Variants in CMC2 observed in about 807,000 individuals in gnomAD.
CMC2 encodes the protein COX assembly mitochondrial protein 2 homolog.
In CMC2, 5 loss-of-function variants were observed where a neutral mutation model predicts 7.5. That is an observed-to-expected ratio of 0.66 (90% CI 0.35 to 1.40). The LOEUF is 1.40. CMC2 is among the 40% of genes most tolerant of loss of function. The pLI is 0.04. For synonymous variants in CMC2, 37 were observed against 31.4 expected (o/e 1.18, Z -0.60); for missense variants, 115 against 92.3 (o/e 1.25, Z -1.01).
chr16:80,997,475 C>T lies in CMC2; in HGVS notation c.-35-46G>A, dbSNP rs374726391. ...TGAATATGCATAAACACATTTGTTA[C>T]GCCACCTAAAAGTATCTTCATAAGA... On this transcript the variant is annotated intron_variant, in intron 1 of 3. Coordinates refer to ENST00000219400, the MANE Select transcript of CMC2 (RefSeq NM_020188.5). The T allele has an allele frequency of 5.5e-4, 539 of 982,352 alleles. 2 individuals carry two copies. In the African/African-American group the frequency reaches 6.3e-3, roughly 12 times the overall value. The allele number at this position is 982,352 out of a possible 1,614,324, so 60.9% of individuals were successfully genotyped here.
chr16:80,985,828 G>T (rs1967476663), intron 2 of CMC2, among the ~76,000 whole-genome samples: 1 of 141,028 alleles, frequency 7.1e-6, no homozygotes, highest in Non-Finnish European at 1.5e-5. Context: ...GTGGAGCCAG[G>T]AGGAATGCAC....
rs917668652 is a variant in CMC2, at chr16:80,972,296, A to G, written c.*3797T>C. On this transcript the variant is annotated 3_prime_UTR_variant, in exon 4 of 4. Transcript: ENST00000219400. ...TATCATTTAAGGGGCACAAATTTCAATATCAGGGTTTCAATATCAGGGTGT... is the reference window on the plus strand; with the variant it reads ...TATCATTTAAGGGGCACAAATTTCAGTATCAGGGTTTCAATATCAGGGTGT... 1 of 152,186 alleles carries G rather than the reference A, an allele frequency of 6.6e-6. No individual in the cohort carries two copies. The highest frequency in any genetic ancestry group is 2.1e-4 in the South Asian group (1 of 4,838). 9.4% of individuals were successfully genotyped at this position (152,186 alleles called of 1,614,324 possible).
At chr16:80,996,749 C>T (rs865882333) in intron 2 of CMC2, among the ~76,000 whole-genome samples, 12 of 152,154 alleles carry the variant, frequency 7.9e-5, no homozygotes, top group African/African-American at 2.9e-4. Context: ...GCTAAATATT[C>T]AACAGCTATA....
chr16:81,000,582 A>C (rs1450099632), intron 1 of CMC2, among the ~76,000 whole-genome samples: 1 of 152,262 alleles, frequency 6.6e-6, no homozygotes, highest in Non-Finnish European at 1.5e-5. Context: ...CAAGTGGCCA[A>C]AAAACATGAA....
chr16:81,006,719 A>T lies in CMC2; in HGVS notation c.-36+15T>A. On this transcript the variant is annotated intron_variant, in intron 1 of 3. Coordinates refer to ENST00000219400, the MANE Select transcript of CMC2 (RefSeq NM_020188.5). Reference sequence around the variant, plus strand: ...ACGGAACGCGTTCGGAACGGCCTGGACTCCCGAGACTCACCCGACTCGTGG... The same window carrying T: ...ACGGAACGCGTTCGGAACGGCCTGGTCTCCCGAGACTCACCCGACTCGTGG... 1.0e-6 allele frequency: 1 copy of T among 985,212 alleles called. No homozygotes were observed. The highest frequency in any genetic ancestry group is 6.1e-5 in the Admixed American group (1 of 16,266). The allele number at this position is 985,212 out of a possible 1,614,324, so 61.0% of individuals were successfully genotyped here. A position where few individuals can be genotyped will look rare whatever the true frequency, so the allele number is the denominator to read the frequency against.
intron 3 of CMC2, among the ~76,000 whole-genome samples, chr16:80,978,855 G>A (rs1324101238): frequency 6.6e-6 from 1 of 152,190 alleles, no homozygotes; most frequent in African/African-American, 2.4e-5. Context: ...GCCAAGGCGG[G>A]CGGATAACAA....
intron 1 of CMC2, among the ~76,000 whole-genome samples, chr16:81,002,170 A>C (rs1968915360): frequency 6.6e-6 from 1 of 152,190 alleles, no homozygotes; most frequent in Non-Finnish European, 1.5e-5. Context: ...CACACCTGTA[A>C]TCCCAGCACT....
chr16:80,981,306 TAAAATC>T (rs928054382), intron 3 of CMC2, among the ~76,000 whole-genome samples: 2 of 152,192 alleles, frequency 1.3e-5, no homozygotes, highest in Non-Finnish European at 2.9e-5. Flanking sequence ...AGTTGTGCCC[TAAAATC>T]AAGTTCAGGA....
rs1911653084 is a variant in CMC2 at position 80,967,722 on chromosome 16, C to G, written c.*8371G>C. The G allele has an allele frequency of 1.3e-5, 2 of 152,206 alleles. No homozygotes were observed. Among genetic ancestry groups the G allele is most frequent in the Non-Finnish European group, 2.9e-5 (2 of 68,026 alleles). The allele number at this position is 152,206 out of a possible 1,614,324, so 9.4% of individuals were successfully genotyped here. On this transcript the variant is annotated 3_prime_UTR_variant, in exon 4 of 4. Transcript: ENST00000219400. ...TAGCATTTTAGGAAATATGGATGCT[C>G]TGTAAGCAAATACTCCAGTGAAAAA...
chr16:80,985,674 C>T (rs943763994), intron 2 of CMC2, among the ~76,000 whole-genome samples: 3 of 151,692 alleles, frequency 2.0e-5, no homozygotes, highest in African/African-American at 7.3e-5. Context: ...AGAACTGCCA[C>T]GAAGGAGAAA....
intron 2 of CMC2, among the ~76,000 whole-genome samples, chr16:80,990,774 A>T (rs942611245): frequency 6.6e-6 from 1 of 152,098 alleles, no homozygotes; most frequent in South Asian, 2.1e-4. Flanking sequence ...GCTGGAATGC[A>T]GTGGCACAAT....
At chr16:80,997,543 C>A in intron 1 of CMC2, 114 bp from the exon 2 acceptor site, 1 of 561,442 alleles carries the variant, frequency 1.8e-6, no homozygotes, top group Non-Finnish European at 3.2e-6. Flanking sequence ...AACCATTAAC[C>A]AGCTGTGTGA....
At chr16:80,986,543 G>T (rs78553680) in intron 2 of CMC2, among the ~76,000 whole-genome samples, 2 of 151,848 alleles carry the variant, frequency 1.3e-5, no homozygotes, top group Admixed American at 1.3e-4. Flanking sequence ...AAACAAAAAA[G>T]AAAACAAAAC....
rs566970137 is a variant in CMC2, at chr16:80,969,278, G to A, written c.*6815C>T. The A allele has an allele frequency of 1.3e-5, 2 of 152,448 alleles. No individual in the cohort carries two copies. Among genetic ancestry groups the A allele is most frequent in the Non-Finnish European group, 2.9e-5 (2 of 68,104 alleles). 9.4% of individuals were successfully genotyped at this position (152,448 alleles called of 1,614,324 possible). A position where few individuals can be genotyped will look rare whatever the true frequency, so the allele number is the denominator to read the frequency against. ...GCATCAAGAGCCAGAGGAGTCCTGG[G>A]AGGTCTCAGCATCGATGTGGAAAGC... On this transcript the variant is annotated 3_prime_UTR_variant, in exon 4 of 4. Transcript: ENST00000219400.
In CMC2 at chr16:80,974,240, T is replaced by A. The variant is rs950625067; in HGVS notation, c.*1853A>T. 9.8e-5 allele frequency: 15 copies of A among 152,292 alleles called. No homozygotes were observed. Among genetic ancestry groups the A allele is most frequent in the Admixed American group, 2.6e-4 (4 of 15,276 alleles). 9.4% of individuals were successfully genotyped at this position (152,292 alleles called of 1,614,324 possible). On this transcript the variant is annotated 3_prime_UTR_variant, in exon 4 of 4. Coordinates refer to ENST00000219400, the MANE Select transcript of CMC2 (RefSeq NM_020188.5). ...ACTCCTCCTAATCCCCAAAGCCACA[T>A]CTTTCATCCAGGCCCTCATTTCTCA...
intron 1 of CMC2, among the ~76,000 whole-genome samples, chr16:81,002,120 T>C (rs920720351): frequency 6.6e-6 from 1 of 152,166 alleles, no homozygotes; most frequent in South Asian, 2.1e-4. Flanking sequence ...TATTTTTTCC[T>C]AAAGAAAACA....
rs1486450423 is a variant in CMC2, at chr16:80,968,942, C to G, written c.*7151G>C. The stretch of plus-strand genomic sequence containing the variant: ...TGAGAAACAAGAATATCACATAAAG[C>G]CAGGAGATGGTAATCCTCTAAGAAA... On this transcript the variant is annotated 3_prime_UTR_variant, in exon 4 of 4. Coordinates refer to ENST00000219400, the MANE Select transcript of CMC2 (RefSeq NM_020188.5). The G allele has an allele frequency of 6.6e-6, 1 of 152,158 alleles. No individual in the cohort carries two copies. Among genetic ancestry groups the G allele is most frequent in the Non-Finnish European group, 1.5e-5 (1 of 68,044 alleles). 9.4% of individuals were successfully genotyped at this position (152,158 alleles called of 1,614,324 possible).
rs1036453195 is a variant in CMC2 at position 81,006,761 on chromosome 16, G to C, written c.-63C>G. 1.2e-4 allele frequency: 118 copies of C among 985,610 alleles called. No individual in the cohort carries two copies. Among genetic ancestry groups the C allele is most frequent in the Non-Finnish European group, 1.4e-4 (115 of 830,190 alleles). The allele number at this position is 985,610 out of a possible 1,614,324, so 61.1% of individuals were successfully genotyped here. A position where few individuals can be genotyped will look rare whatever the true frequency, so the allele number is the denominator to read the frequency against. On this transcript the variant is annotated 5_prime_UTR_variant, in exon 1 of 4. Coordinates refer to ENST00000219400, the MANE Select transcript of CMC2 (RefSeq NM_020188.5). The stretch of plus-strand genomic sequence containing the variant: ...GACTCGTGGCCACACCGGGAGAACT[G>C]AAGCGGCAGTAGCCGGCGGAGACGC...
intron 2 of CMC2, among the ~76,000 whole-genome samples, chr16:80,986,326 G>A (rs1967532345): frequency 6.6e-6 from 1 of 152,038 alleles, no homozygotes; most frequent in South Asian, 2.1e-4. Context: ...CTCCAGCCTG[G>A]GCGACAGAGA....
Sources: gnomAD v4.1 joint callset for allele counts (sites outside exome capture counted in the v4.1 genomes callset) on GRCh38, gnomAD v4.1.1 for gene constraint, MANE v1.5 for transcripts, NCBI Gene and HGNC (gene_info 2026-07-23, HGNC 2026-07-21) for gene names.